The following RPS6KC1 variants were observed in gnomAD, a reference collection of about 807,000 sequenced individuals.
RPS6KC1 encodes inactive ribosomal protein S6 kinase delta-1.
RPS6KC1 carries 54 observed loss-of-function variants against 103.8 expected under a neutral mutation model. The observed-to-expected ratio is 0.52, with a 90% CI of 0.42 to 0.65. The LOEUF is 0.65. Among genes scored for constraint, RPS6KC1 ranks in the 30% least tolerant of loss-of-function variants. The pLI, the probability that RPS6KC1 is intolerant of heterozygous loss-of-function variation, is 0.00. For synonymous variants in RPS6KC1, 439 were observed against 438.7 expected (o/e 1.00, Z -0.01); for missense variants, 1,151 against 1,253.8 (o/e 0.92, Z 1.24).
the RPS6KC1 span, among the ~76,000 whole-genome samples, chr1:213,470,093 G>A: frequency 6.6e-6 from 1 of 152,164 alleles, no homozygotes. Flanking sequence ...TTATTGAATA[G>A]CCAGTCAGCA....
intron 8 of RPS6KC1, among the ~76,000 whole-genome samples, chr1:213,210,003 G>A (rs1242458916): frequency 2.0e-5 from 3 of 152,206 alleles, no homozygotes; most frequent in African/African-American, 7.2e-5. Flanking sequence ...CGGTGAGGAC[G>A]ACCAGAGTTG....
At chr1:213,776,804 A>G in the RPS6KC1 span, among the ~76,000 whole-genome samples, 1 of 152,190 alleles carries the variant, frequency 6.6e-6, no homozygotes, top group Non-Finnish European at 1.5e-5. Flanking sequence ...TTTCATACAT[A>G]TTGAAAATCT....
chr1:213,575,195 GTA>G, the RPS6KC1 span, among the ~76,000 whole-genome samples: 7 of 150,694 alleles, frequency 4.6e-5, no homozygotes, highest in African/African-American at 4.9e-5. Flanking sequence ...TGTCATGAGT[GTA>G]TATATATATA....
chr1:213,363,820 TC>T, the RPS6KC1 span, among the ~76,000 whole-genome samples: 5 of 128,060 alleles, frequency 3.9e-5, no homozygotes, highest in Non-Finnish European at 6.7e-5. Context: ...CTTTCTTCTC[TC>T]TTTTTTTTTT....
chr1:213,438,919 G>A, the RPS6KC1 span, among the ~76,000 whole-genome samples: 3 of 150,514 alleles, frequency 2.0e-5, no homozygotes, highest in East Asian at 4.0e-4. Context: ...TCAGCCTCCC[G>A]AGTAGCTGGG....
chr1:213,367,987 C>T, the RPS6KC1 span, among the ~76,000 whole-genome samples: 1 of 152,280 alleles, frequency 6.6e-6, no homozygotes, highest in Admixed American at 6.5e-5. Flanking sequence ...CTGTTGGTCT[C>T]TTAATCTGTG....
At chr1:213,267,947 A>G (rs2094949602) in intron 14 of RPS6KC1, among the ~76,000 whole-genome samples, 1 of 151,972 alleles carries the variant, frequency 6.6e-6, no homozygotes, top group South Asian at 2.1e-4. Context: ...GACAATAGCA[A>G]ATGTACCAGT....
chr1:213,650,440 A>G, the RPS6KC1 span, among the ~76,000 whole-genome samples: 1 of 152,218 alleles, frequency 6.6e-6, no homozygotes, highest in Non-Finnish European at 1.5e-5. Flanking sequence ...AAAGCCTTTT[A>G]ACATTGCTCA....
the RPS6KC1 span, among the ~76,000 whole-genome samples, chr1:213,414,193 T>G: frequency 3.9e-5 from 6 of 152,196 alleles, no homozygotes; most frequent in Non-Finnish European, 7.3e-5. Context: ...CCCAAGAAAC[T>G]TTCCTCATCA....
chr1:213,231,438 T>C (rs1166269690), intron 9 of RPS6KC1, among the ~76,000 whole-genome samples: 2 of 152,226 alleles, frequency 1.3e-5, no homozygotes, highest in Non-Finnish European at 2.9e-5. Flanking sequence ...TAGTACATAT[T>C]CTGAAAATAT....
the RPS6KC1 span, among the ~76,000 whole-genome samples, chr1:213,778,739 A>G: frequency 1.3e-5 from 2 of 152,094 alleles, no homozygotes; most frequent in African/African-American, 4.8e-5. Context: ...GACCAGGACA[A>G]GGACAAGCAG....
intron 3 of RPS6KC1, among the ~76,000 whole-genome samples, chr1:213,095,465 C>G (rs1207385883): frequency 6.6e-6 from 1 of 152,154 alleles, no homozygotes; most frequent in Non-Finnish European, 1.5e-5. Flanking sequence ...ATACCAAAGA[C>G]AGCTTATAAA....
At chr1:213,225,095 C>T (rs1054722119) in intron 8 of RPS6KC1, among the ~76,000 whole-genome samples, 2 of 152,082 alleles carry the variant, frequency 1.3e-5, no homozygotes, top group Non-Finnish European at 2.9e-5. Context: ...GTTAACTAAA[C>T]ATTATTGCCA....
chr1:213,515,085 T>C, the RPS6KC1 span, among the ~76,000 whole-genome samples: 1 of 152,248 alleles, frequency 6.6e-6, no homozygotes, highest in Admixed American at 6.5e-5. Context: ...TGTTTGTTTT[T>C]TTCTTGTAAA....
intron 12 of RPS6KC1, among the ~76,000 whole-genome samples, chr1:213,252,269 A>G (rs1299451147): frequency 6.6e-6 from 1 of 152,222 alleles, no homozygotes; most frequent in Admixed American, 6.5e-5. Flanking sequence ...GTAGGAACAC[A>G]GTACTAATGT....
the RPS6KC1 span, among the ~76,000 whole-genome samples, chr1:213,629,475 G>A: frequency 2.6e-5 from 4 of 152,272 alleles, no homozygotes; most frequent in East Asian, 7.7e-4. Flanking sequence ...GCCTATGTGT[G>A]TTTCCGCATG....
chr1:213,778,158 A>T, the RPS6KC1 span, among the ~76,000 whole-genome samples: 14 of 152,216 alleles, frequency 9.2e-5, no homozygotes, highest in African/African-American at 3.4e-4. Context: ...CAGAGGTGGA[A>T]AGTAGAAGGA....
the RPS6KC1 span, among the ~76,000 whole-genome samples, chr1:213,503,949 A>G: frequency 6.6e-6 from 1 of 152,238 alleles, no homozygotes; most frequent in Middle Eastern, 3.2e-3. Flanking sequence ...AAGGATATTT[A>G]CATAGCATTG....
At chr1:213,278,997 G>A (rs924925298), downstream of RPS6KC1, among the ~76,000 whole-genome samples, 6 of 152,068 alleles carry the variant, frequency 3.9e-5, no homozygotes, top group Non-Finnish European at 5.9e-5. Flanking sequence ...TGCGTATTCT[G>A]TTTTGGCTGG....
Sources: allele counts gnomAD v4.1 joint callset (sites outside exome capture counted in the v4.1 genomes callset), GRCh38; gene constraint gnomAD v4.1.1; transcripts MANE v1.5; gene names NCBI Gene and HGNC (gene_info 2026-07-23, HGNC 2026-07-21).